The following RAP1GDS1 variants were observed in gnomAD, a reference collection of about 807,000 sequenced individuals.
RAP1GDS1 encodes RAP1, GTP-GDP dissociation stimulator 1.
Under a neutral mutation model 71.1 loss-of-function variants are expected in RAP1GDS1, and 35 were observed. That is an observed-to-expected ratio of 0.49 (90% CI 0.38 to 0.65). RAP1GDS1 has a LOEUF of 0.65. Among genes scored for constraint, RAP1GDS1 ranks in the 30% least tolerant of loss-of-function variants. The probability of loss-of-function intolerance (pLI) is 0.00; values close to 1 mark genes in which losing one functional copy is unlikely to be tolerated. For synonymous variants in RAP1GDS1, 229 were observed against 243.1 expected (o/e 0.94, Z 0.54); for missense variants, 663 against 706.1 (o/e 0.94, Z 0.69).
chr4:98,294,160 A>G (rs1727381065), intron 2 of RAP1GDS1, among the ~76,000 whole-genome samples: 1 of 151,984 alleles, frequency 6.6e-6, no homozygotes. Flanking sequence ...TATTATCACC[A>G]TTAATAGATC....
chr4:98,441,018 C>A (rs1297464666), intron 14 of RAP1GDS1, among the ~76,000 whole-genome samples: 1 of 152,168 alleles, frequency 6.6e-6, no homozygotes, highest in Non-Finnish European at 1.5e-5. Context: ...TGTACCAGTA[C>A]CCCACTATCT....
rs539604224 is a variant in RAP1GDS1 at position 98,308,674 on chromosome 4, G to C, written c.112+15159G>C. Among the ~76,000 whole-genome samples, 8 of 152,016 alleles carry C rather than the reference G, an allele frequency of 5.3e-5. No homozygotes were observed. In the South Asian group the frequency reaches 1.7e-3, roughly 32 times the overall value. On this transcript the variant is annotated intron_variant, in intron 2 of 14. Coordinates refer to ENST00000408927, the MANE Select transcript of RAP1GDS1 (RefSeq NM_001100427.2). ...AATACAACAAAGTTTTATAATCTTT[G>C]AATCAAGGTCATGCAGTATACTAGT...
At chr4:98,399,676 A>T (rs1236035645) in intron 6 of RAP1GDS1, among the ~76,000 whole-genome samples, 1 of 152,218 alleles carries the variant, frequency 6.6e-6, no homozygotes, top group African/African-American at 2.4e-5. Flanking sequence ...AATGTATGAT[A>T]AAATGTTCAG....
intron 4 of RAP1GDS1, among the ~76,000 whole-genome samples, chr4:98,358,975 A>G (rs1001078163): frequency 7.9e-5 from 12 of 151,978 alleles, no homozygotes; most frequent in Admixed American, 7.9e-4. Flanking sequence ...GAAAGCATAT[A>G]TATTCTCTTC....
At chr4:98,286,427 T>C (rs1359034217) in intron 1 of RAP1GDS1, among the ~76,000 whole-genome samples, 2 of 152,066 alleles carry the variant, frequency 1.3e-5, no homozygotes, top group African/African-American at 2.4e-5. Flanking sequence ...TCTTTAGGCA[T>C]TGTGTGAAAT....
At chr4:98,427,218 A>G (rs1481992567) in intron 12 of RAP1GDS1, among the ~76,000 whole-genome samples, 2 of 152,140 alleles carry the variant, frequency 1.3e-5, no homozygotes, top group Non-Finnish European at 2.9e-5. Flanking sequence ...GACATACCTC[A>G]ATATAATAAA....
At chr4:98,378,928 TAAAG>T (rs1741573268) in intron 4 of RAP1GDS1, 85 bp from the exon 5 acceptor site, 26 of 1,213,558 alleles carry the variant, frequency 2.1e-5, no homozygotes, top group South Asian at 8.2e-5. Flanking sequence ...ATTCACAAAA[TAAAG>T]AATAACACTG....
chr4:98,306,888 T>C (rs1029119246), intron 2 of RAP1GDS1, among the ~76,000 whole-genome samples: 1 of 152,140 alleles, frequency 6.6e-6, no homozygotes. Flanking sequence ...TTTCAGATTT[T>C]CTGAATACCC....
At chr4:98,299,303 A>G (rs568115455) in intron 2 of RAP1GDS1, among the ~76,000 whole-genome samples, 2 of 152,314 alleles carry the variant, frequency 1.3e-5, no homozygotes, top group East Asian at 3.9e-4. Context: ...TATCTAGTCT[A>G]TCATTGATGG....
At chr4:98,405,600 ATGC>A (rs2110156812) in intron 7 of RAP1GDS1, among the ~76,000 whole-genome samples, 1 of 152,206 alleles carries the variant, frequency 6.6e-6, no homozygotes, top group African/African-American at 2.4e-5. Context: ...ATTATGAAAA[ATGC>A]AAAGATCCAA....
In RAP1GDS1 at chr4:98,379,006, T is replaced by C. The variant is rs759470151; in HGVS notation, c.362-11T>C. ...TTTCTTTTATTTTTAATTTAACTCT[T>C]TGTTTTACAGATGAGGGCAGAAGTG... is the stretch of plus-strand genomic sequence containing the variant. On this transcript the variant is annotated splice_polypyrimidine_tract_variant and intron_variant, in intron 4 of 14. Transcript: ENST00000408927. 19 of 1,565,868 alleles carry C rather than the reference T, an allele frequency of 1.2e-5. No individual in the cohort carries two copies. Among genetic ancestry groups the C allele is most frequent in the Non-Finnish European group, 1.6e-5 (19 of 1,157,794 alleles).
At chr4:98,337,110 G>T (rs1042761209) in intron 2 of RAP1GDS1, among the ~76,000 whole-genome samples, 1 of 152,120 alleles carries the variant, frequency 6.6e-6, no homozygotes, top group Non-Finnish European at 1.5e-5. Flanking sequence ...GGCCAGGCTT[G>T]CCTCCAACTC....
intron 2 of RAP1GDS1, among the ~76,000 whole-genome samples, chr4:98,315,800 G>A (rs1356623544): frequency 6.6e-6 from 1 of 152,008 alleles, no homozygotes; most frequent in Non-Finnish European, 1.5e-5. Context: ...AGTGTGAAAG[G>A]AAAAAAATGT....
chr4:98,307,599 TA>T (rs1358792309), intron 2 of RAP1GDS1, among the ~76,000 whole-genome samples: 1 of 152,164 alleles, frequency 6.6e-6, no homozygotes, highest in Non-Finnish European at 1.5e-5. Context: ...CATTACTTTT[TA>T]AAAATATTCC....
At chr4:98,274,292 C>G (rs1039259379) in intron 1 of RAP1GDS1, among the ~76,000 whole-genome samples, 3 of 152,100 alleles carry the variant, frequency 2.0e-5, no homozygotes, top group Admixed American at 1.3e-4. Context: ...ACCACTAAGC[C>G]ATTAGACTTC....
At chr4:98,282,294 A>G (rs1725231880) in intron 1 of RAP1GDS1, among the ~76,000 whole-genome samples, 1 of 152,054 alleles carries the variant, frequency 6.6e-6, no homozygotes, top group African/African-American at 2.4e-5. Context: ...AGAACCTGTT[A>G]TTGGTCTATT....
At chr4:98,268,255 A>G (rs969789183) in intron 1 of RAP1GDS1, among the ~76,000 whole-genome samples, 3 of 152,214 alleles carry the variant, frequency 2.0e-5, no homozygotes, top group Non-Finnish European at 2.9e-5. Context: ...AAAGCATTTG[A>G]CAAAATTCAA....
chr4:98,345,356 T>C (rs1029371374), intron 3 of RAP1GDS1, among the ~76,000 whole-genome samples: 1 of 152,160 alleles, frequency 6.6e-6, no homozygotes, highest in African/African-American at 2.4e-5. Context: ...CCCAAATAGG[T>C]TTTTGTACGC....
At chr4:98,369,550 T>C (rs529741317) in intron 4 of RAP1GDS1, among the ~76,000 whole-genome samples, 2 of 152,332 alleles carry the variant, frequency 1.3e-5, no homozygotes, top group Non-Finnish European at 2.9e-5. Flanking sequence ...AATACTTCTA[T>C]ACATGATGAC....
Sources: gnomAD v4.1 joint callset for allele counts (sites outside exome capture counted in the v4.1 genomes callset) on GRCh38, gnomAD v4.1.1 for gene constraint, MANE v1.5 for transcripts, NCBI Gene and HGNC (gene_info 2026-07-23, HGNC 2026-07-21) for gene names.